The following MOV10L1 variants were observed in gnomAD, a reference collection of about 807,000 sequenced individuals.
MOV10L1 encodes the protein Mov10 like RNA helicase 1, also known as RNA helicase Mov10l1.
MOV10L1 carries 110 observed loss-of-function variants against 143.8 expected under a neutral mutation model. That is an observed-to-expected ratio of 0.76 (90% CI 0.66 to 0.90). The LOEUF (loss-of-function observed/expected upper bound fraction) is 0.90, where lower values mean the gene tolerates loss of function less well. Ranked by LOEUF, MOV10L1 falls within the 40% of genes least tolerant of loss-of-function variation. MOV10L1 has a pLI of 0.00. For synonymous variants in MOV10L1, 593 were observed against 581.1 expected (o/e 1.02, Z -0.29); for missense variants, 1,406 against 1,526.8 (o/e 0.92, Z 1.32).
chr22:50,119,414 C>T (rs1030091976), intron 9 of MOV10L1, among the ~76,000 whole-genome samples: 2 of 152,096 alleles, frequency 1.3e-5, no homozygotes, highest in Admixed American at 6.5e-5. Flanking sequence ...CAGTGCCAGG[C>T]AACTTTGGCT....
chr22:50,096,457 G>A (rs1272988166), intron 2 of MOV10L1: 1 of 152,222 alleles, frequency 6.6e-6, no homozygotes, highest in Non-Finnish European at 1.5e-5. Flanking sequence ...GAACAAGTCT[G>A]TCTGAGTCCT....
intron 3 of MOV10L1, among the ~76,000 whole-genome samples, chr22:50,104,794 CTT>C (rs1255099677): frequency 6.6e-6 from 1 of 151,612 alleles, no homozygotes; most frequent in African/African-American, 2.4e-5. Flanking sequence ...TGATCTTACT[CTT>C]ATTATTTCTA....
At chr22:50,101,258 C>A (rs1015392621) in intron 3 of MOV10L1, among the ~76,000 whole-genome samples, 7 of 152,292 alleles carry the variant, frequency 4.6e-5, no homozygotes, top group African/African-American at 1.7e-4. Flanking sequence ...CTCTGTTTCC[C>A]AGGCTGGAGT....
At chr22:50,120,724 T>G in intron 10 of MOV10L1, 108 bp downstream of exon 10, 1 of 789,956 alleles carries the variant, frequency 1.3e-6, no homozygotes, top group Non-Finnish European at 2.1e-6. Context: ...CTGGCTTGTT[T>G]TCTTCACAGG....
Position 50,150,786 on chromosome 22 carries a change from C to T in MOV10L1, c.2779C>T (p.Leu927Phe), listed in dbSNP as rs1305465298. The T allele has an allele frequency of 6.2e-7, 1 of 1,614,208 alleles. No individual in the cohort carries two copies. Among genetic ancestry groups the T allele is most frequent in the Admixed American group, 1.7e-5 (1 of 60,026 alleles). Residue 927 changes from leucine to phenylalanine, a missense_variant, in exon 21 of 27, where the codon CTC becomes TTC. Transcript: ENST00000262794. ...MQLGPVIKSR[L>F]AMAYGLNVSF... ...GCTCGGCCCAGTCATTAAGTCCAGA[C>T]TCGCCATGGCCTATGGGCTGAACGT...
At chr22:50,144,034 C>A (rs985478049) in intron 17 of MOV10L1, 63 bp from the exon 18 acceptor site, 7 of 1,569,516 alleles carry the variant, frequency 4.5e-6, no homozygotes, top group African/African-American at 1.3e-5. Flanking sequence ...TGAGGTTAGA[C>A]TCCTGGTTTC....
chr22:50,092,173 G>A lies in MOV10L1; in HGVS notation c.270G>A (p.Leu90=), dbSNP rs772977101. 3.7e-6 allele frequency: 6 copies of A among 1,613,824 alleles called. No individual in the cohort carries two copies. Among genetic ancestry groups the A allele is most frequent in the Non-Finnish European group, 5.1e-6 (6 of 1,179,882 alleles). ...VVEENKVSNG[L]KAIRVEAVSD... is the part of the protein sequence containing the mutation. ...AAGAAAATAAAGTGTCCAATGGACT[G>A]AAAGCAATCAGGGTAAGGTTTGAGT... Residue 90 remains leucine, a synonymous_variant, in exon 2 of 27, where the codon CTG becomes CTA. Transcript: ENST00000262794.
At chr22:50,124,447 G>C (rs948316966) in intron 10 of MOV10L1, among the ~76,000 whole-genome samples, 7 of 152,050 alleles carry the variant, frequency 4.6e-5, no homozygotes, top group African/African-American at 7.2e-5. Flanking sequence ...TTTGGTTTAC[G>C]ATGTGTGGTG....
intron 8 of MOV10L1, among the ~76,000 whole-genome samples, chr22:50,116,328 T>C (rs1478729287): frequency 6.6e-6 from 1 of 151,362 alleles, no homozygotes; most frequent in East Asian, 2.0e-4. Flanking sequence ...GCACCTGTAG[T>C]CCCAGCTACT....
chr22:50,108,171 G>A lies in MOV10L1; in HGVS notation c.478G>A (p.Glu160Lys). ...CTGCAAGGGAGACTGGGTGGAGGCT[G>A]AGTACCGGATCCGGCCTGGCACGTG... The part of the protein sequence containing the change: ...EPCKGDWVEA[E>K]YRIRPGTWSS... The change falls in exon 4 of 27, where the codon GAG (glutamate) becomes AAG (lysine). Residue 160 changes from glutamate to lysine, a missense_variant. Coordinates refer to ENST00000262794, the MANE Select transcript of MOV10L1 (RefSeq NM_018995.3). 1 of 1,614,134 alleles carries A rather than the reference G, an allele frequency of 6.2e-7. No individual in the cohort carries two copies. The highest frequency in any genetic ancestry group is 8.5e-7 in the Non-Finnish European group (1 of 1,180,028).
At chr22:50,116,008 C>T (rs535124889) in intron 8 of MOV10L1, among the ~76,000 whole-genome samples, 2 of 152,298 alleles carry the variant, frequency 1.3e-5, no homozygotes, top group East Asian at 3.9e-4. Context: ...CAGGCCCTGT[C>T]CTCCAGCTCC....
chr22:50,094,399 A>ATTTTTTT (rs11420958), intron 2 of MOV10L1: 2 of 132,738 alleles, frequency 1.5e-5, no homozygotes. Flanking sequence ...AAAGCTTTCA[A>ATTTTTTT]TTTTTTTTTT....
chr22:50,132,804 G>A (rs938643908), intron 13 of MOV10L1, among the ~76,000 whole-genome samples: 4 of 152,162 alleles, frequency 2.6e-5, no homozygotes, highest in Admixed American at 2.6e-4. Context: ...GGAGGCCAAG[G>A]CAGGCGGATC....
chr22:50,111,339 T>C (rs957968553), intron 5 of MOV10L1, among the ~76,000 whole-genome samples: 5 of 152,076 alleles, frequency 3.3e-5, no homozygotes, highest in Admixed American at 2.0e-4. Flanking sequence ...ATCAGCACTT[T>C]GATGTAAGAG....
At chr22:50,112,457 C>A (rs754672064) in intron 5 of MOV10L1, among the ~76,000 whole-genome samples, 1 of 152,202 alleles carries the variant, frequency 6.6e-6, no homozygotes, top group African/African-American at 2.4e-5. Context: ...GGGCCTGAAG[C>A]GTGGCCTGGG....
intron 8 of MOV10L1, among the ~76,000 whole-genome samples, chr22:50,116,742 T>C (rs1166831735): frequency 1.4e-5 from 2 of 144,062 alleles, no homozygotes; most frequent in East Asian, 4.5e-4. Context: ...CACAGCTCAC[T>C]GCAGCCTCCA....
chr22:50,141,177 A>C (rs966642322), intron 15 of MOV10L1, among the ~76,000 whole-genome samples: 2 of 151,964 alleles, frequency 1.3e-5, no homozygotes, highest in Admixed American at 1.3e-4. Context: ...CAGCCTCCCG[A>C]GTAGCTGGTG....
intron 14 of MOV10L1, 140 bp from the exon 15 acceptor site, chr22:50,134,390 T>C: frequency 4.5e-6 from 3 of 661,812 alleles, no homozygotes; most frequent in Non-Finnish European, 5.1e-6. Context: ...TGCTATAATT[T>C]AGAAACAGTA....
chr22:50,120,899 C>T (rs2062322036), intron 10 of MOV10L1, among the ~76,000 whole-genome samples: 1 of 152,184 alleles, frequency 6.6e-6, no homozygotes, highest in African/African-American at 2.4e-5. Flanking sequence ...GATACCTCTG[C>T]CATCAGCCTG....
Sources: gnomAD v4.1 joint callset for allele counts (sites outside exome capture counted in the v4.1 genomes callset) on GRCh38, gnomAD v4.1.1 for gene constraint, MANE v1.5 for transcripts, NCBI Gene and HGNC (gene_info 2026-07-23, HGNC 2026-07-21) for gene names.